The following USP12 variants were observed in gnomAD, a reference collection of about 807,000 sequenced individuals.
The protein encoded by USP12 is ubiquitin specific peptidase 12.
A neutral mutation model predicts 45.5 loss-of-function variants in USP12; 19 were observed. The observed-to-expected ratio is 0.42, with a 90% CI of 0.29 to 0.61. USP12 has a LOEUF of 0.61. Among genes scored for constraint, USP12 ranks in the 20% least tolerant of loss-of-function variants. The pLI is 0.22. For synonymous variants in USP12, 149 were observed against 148.8 expected (o/e 1.00, Z -0.01); for missense variants, 242 against 447.7 (o/e 0.54, Z 4.15).
intron 1 of USP12, among the ~76,000 whole-genome samples, chr13:27,137,637 G>A (rs1352705284): frequency 6.6e-6 from 1 of 152,190 alleles, no homozygotes. Flanking sequence ...TATTGTGAAT[G>A]CAGTGCTGTG....
chr13:27,085,602 CA>C (rs1178566820), intron 6 of USP12, among the ~76,000 whole-genome samples: 1 of 151,804 alleles, frequency 6.6e-6, no homozygotes, highest in Non-Finnish European at 1.5e-5. Context: ...AAGTAAAGGT[CA>C]AAAATATTAA....
At chr13:27,102,011 T>TAATGAATGAATGAATG (rs57318848) in intron 3 of USP12, among the ~76,000 whole-genome samples, 5 of 151,630 alleles carry the variant, frequency 3.3e-5, no homozygotes, top group Admixed American at 6.6e-5. Context: ...TCCCATTTTT[T>TAATGAATGAATGAATG]AATGAATGAA....
chr13:27,105,914 G>C lies in USP12; in HGVS notation c.160C>G (p.Leu54Val). The change falls in exon 3 of 9, where the codon CTT becomes GTT. Residue 54 changes from leucine to valine, a missense_variant. By Grantham distance (32) the Leu-to-Val change is conservative (BLOSUM62 1). This residue lies in a region of USP12 where 77 missense variants were observed against 153.7 expected (regional missense o/e 0.50). Coordinates refer to ENST00000282344, the MANE Select transcript of USP12 (RefSeq NM_182488.4). ...FGNTCYCNSV[L>V]QALYFCRPFR... The stretch of plus-strand genomic sequence containing the variant: ...GGACGACAAAAATAAAGTGCTTGAA[G>C]AACTGAATTGCAGTAGCAGGTATTC... The C allele has an allele frequency of 6.2e-7, 1 of 1,613,362 alleles. No individual in the cohort carries two copies. The highest frequency in any genetic ancestry group is 8.5e-7 in the Non-Finnish European group (1 of 1,179,672).
Position 27,136,528 on chromosome 13 carries a change from C to A in USP12, c.49-19932G>T, listed in dbSNP as rs1876814149. Among the ~76,000 whole-genome samples, 3 of 152,034 alleles carry A rather than the reference C, an allele frequency of 2.0e-5. No individual in the cohort carries two copies. The South Asian group carries it at 6.2e-4, about 31-fold the overall frequency. ...AAACAAATACATACATACATACATACCCTTTAGGTAATTCAAAAAAGTGAA... is the reference window on the plus strand; with the variant it reads ...AAACAAATACATACATACATACATAACCTTTAGGTAATTCAAAAAAGTGAA... On this transcript the variant is annotated intron_variant, in intron 1 of 8. Transcript: ENST00000282344.
intron 6 of USP12, among the ~76,000 whole-genome samples, chr13:27,083,451 C>T (rs1321891504): frequency 6.6e-6 from 1 of 151,670 alleles, no homozygotes; most frequent in Non-Finnish European, 1.5e-5. Context: ...CCCCTTGCCC[C>T]CATGCCAGCA....
rs1255121835 is a variant in USP12 at position 27,087,500 on chromosome 13, T to C, written c.734+2383A>G. ...GTACAGATAAAGAGATCAATAGACG[T>C]AGAAGAGAAATAAATGCAGATGTGA... On this transcript the variant is annotated intron_variant, in intron 6 of 8. Transcript: ENST00000282344. 2.6e-5 allele frequency among the ~76,000 whole-genome samples: 4 copies of C among 152,274 alleles called. No homozygotes were observed. In the East Asian group the frequency reaches 7.7e-4, roughly 29 times the overall value.
chr13:27,127,468 A>G (rs1240350470), intron 1 of USP12, among the ~76,000 whole-genome samples: 2 of 152,216 alleles, frequency 1.3e-5, no homozygotes, highest in Non-Finnish European at 1.5e-5. Context: ...TCTAATAATC[A>G]CATGATCAAA....
rs1218100139 is a variant in USP12 at position 27,068,454 on chromosome 13, C to T, written c.*829G>A. ...TGCAGTTTTTCTCAAGGTATCTTAA[C>T]TGATTTCAGATAGAAATTAAAATTC... is the stretch of plus-strand genomic sequence containing the variant. On this transcript the variant is annotated 3_prime_UTR_variant, in exon 9 of 9. Coordinates refer to ENST00000282344, the MANE Select transcript of USP12 (RefSeq NM_182488.4). 6.6e-6 allele frequency: 1 copy of T among 152,452 alleles called. No individual in the cohort carries two copies. The highest frequency in any genetic ancestry group is 1.5e-5 in the Non-Finnish European group (1 of 68,008). The allele number at this position is 152,452 out of a possible 1,614,324, so 9.4% of individuals were successfully genotyped here.
At chr13:27,135,401 A>C (rs1438050723) in intron 1 of USP12, among the ~76,000 whole-genome samples, 1 of 152,206 alleles carries the variant, frequency 6.6e-6, no homozygotes, top group African/African-American at 2.4e-5. Flanking sequence ...ACATTTATAT[A>C]CTCAAACGTT....
At chr13:27,119,335 C>A (rs529741524) in intron 1 of USP12, among the ~76,000 whole-genome samples, 2 of 152,342 alleles carry the variant, frequency 1.3e-5, no homozygotes, top group South Asian at 2.1e-4. Flanking sequence ...TGTACTCCCC[C>A]ACACGGCCTA....
intron 1 of USP12, among the ~76,000 whole-genome samples, chr13:27,160,795 T>TC (rs1387804682): frequency 8.0e-5 from 12 of 150,572 alleles, no homozygotes; most frequent in South Asian, 4.2e-4. Context: ...TTTTTTTTTT[T>TC]CCCCCTTCAA....
intron 2 of USP12, among the ~76,000 whole-genome samples, chr13:27,109,329 T>C (rs977170240): frequency 1.3e-5 from 2 of 152,236 alleles, no homozygotes; most frequent in Non-Finnish European, 2.9e-5. Flanking sequence ...TTTTAATATA[T>C]CTTACCTCCT....
chr13:27,094,937 C>T (rs1420636263), intron 4 of USP12, among the ~76,000 whole-genome samples: 1 of 151,982 alleles, frequency 6.6e-6, no homozygotes, highest in African/African-American at 2.4e-5. Flanking sequence ...TGCTTGAGCC[C>T]AGGAGTTCAA....
chr13:27,148,628 C>G (rs1275523759), intron 1 of USP12, among the ~76,000 whole-genome samples: 3 of 146,952 alleles, frequency 2.0e-5, no homozygotes, highest in Non-Finnish European at 4.5e-5. Context: ...GAGCCCAGAT[C>G]ACACCACTGC....
At chr13:27,161,551 A>G (rs1314887985) in intron 1 of USP12, among the ~76,000 whole-genome samples, 1 of 151,310 alleles carries the variant, frequency 6.6e-6, no homozygotes, top group Non-Finnish European at 1.5e-5. Flanking sequence ...TTAAAAAAAA[A>G]TGTTACTAAT....
rs567814763 is a variant in USP12, at chr13:27,132,438, GAAAAGA to G, written c.49-15848_49-15843del. 2.9e-3 allele frequency among the ~76,000 whole-genome samples: 431 copies of G among 149,750 alleles called. 1 individual carries two copies. The highest frequency in any genetic ancestry group is 0.012 in the South Asian group (57 of 4,780). ...AGCAGTACAGGAAGGCAAAAAAAAA[GAAAAGA>G]AAAAGAAAAAGCAAAGGAACAGAAA... On this transcript the variant is annotated intron_variant, in intron 1 of 8. Transcript: ENST00000282344.
intron 6 of USP12, among the ~76,000 whole-genome samples, chr13:27,075,681 A>G (rs1873446138): frequency 6.6e-6 from 1 of 152,108 alleles, no homozygotes; most frequent in African/African-American, 2.4e-5. Flanking sequence ...AGGAATCTGT[A>G]TTTTTCAAAC....
intron 1 of USP12, among the ~76,000 whole-genome samples, chr13:27,139,333 T>G (rs1876947641): frequency 1.3e-5 from 2 of 152,234 alleles, no homozygotes; most frequent in Admixed American, 6.5e-5. Context: ...TAGTCACTCT[T>G]GGCTGGGTGT....
chr13:27,141,686 C>G (rs1566001391), intron 1 of USP12, among the ~76,000 whole-genome samples: 1 of 152,066 alleles, frequency 6.6e-6, no homozygotes, highest in Non-Finnish European at 1.5e-5. Flanking sequence ...AATGAATAGA[C>G]AGAAAGGAAG....
Sources: allele counts gnomAD v4.1 joint callset (sites outside exome capture counted in the v4.1 genomes callset), GRCh38; gene constraint gnomAD v4.1.1; regional missense constraint gnomAD v4.1.1; transcripts MANE v1.5; gene names NCBI Gene and HGNC (gene_info 2026-07-23, HGNC 2026-07-21).